Variants in FHIT observed in about 807,000 individuals in gnomAD.
FHIT encodes bis(5'-adenosyl)-triphosphatase.
A neutral mutation model predicts 17.9 loss-of-function variants in FHIT; 19 were observed. The observed-to-expected ratio is 1.06, with a 90% CI of 0.74 to 1.56. FHIT has a LOEUF of 1.56. FHIT is among the 40% of genes most tolerant of loss of function. The probability of loss-of-function intolerance (pLI) is 0.00; values close to 1 mark genes in which losing one functional copy is unlikely to be tolerated. For synonymous variants in FHIT, 81 were observed against 69.7 expected, an observed-to-expected ratio of 1.16 and a Z score of -0.81; for missense variants, 248 against 189.2, an observed-to-expected ratio of 1.31 and a Z score of -1.82.
chr3:59,815,754 G>A (rs9882591), intron 8 of FHIT, among the ~76,000 whole-genome samples: 9 of 151,954 alleles, frequency 5.9e-5, no homozygotes, highest in African/African-American at 2.2e-4. Context: ...TGGGAGGGGG[G>A]TGAGGGATGA....
intron 5 of FHIT, among the ~76,000 whole-genome samples, chr3:60,327,165 A>G (rs1186182873): frequency 6.6e-6 from 1 of 152,208 alleles, no homozygotes; most frequent in East Asian, 1.9e-4. Context: ...TCTATGTTTC[A>G]TATTCCATCT....
chr3:60,166,366 A>G (rs1701176179), intron 5 of FHIT, among the ~76,000 whole-genome samples: 1 of 152,206 alleles, frequency 6.6e-6, no homozygotes, highest in Non-Finnish European at 1.5e-5. Flanking sequence ...AAACACTACA[A>G]GAACTGAATG....
chr3:60,215,989 G>A (rs1010909325), intron 5 of FHIT, among the ~76,000 whole-genome samples: 4 of 152,162 alleles, frequency 2.6e-5, no homozygotes, highest in South Asian at 4.1e-4. Context: ...TTTGGCACAT[G>A]TAATTACAGT....
chr3:60,535,300 A>G (rs1220342817), intron 5 of FHIT, among the ~76,000 whole-genome samples: 1 of 152,192 alleles, frequency 6.6e-6, no homozygotes, highest in South Asian at 2.1e-4. Context: ...GAATTTAGAC[A>G]AATGGATCTT....
At chr3:60,420,352 CTT>C (rs1190925041) in intron 5 of FHIT, among the ~76,000 whole-genome samples, 1 of 152,014 alleles carries the variant, frequency 6.6e-6, no homozygotes, top group Non-Finnish European at 1.5e-5. Context: ...GATCAAAATT[CTT>C]TGTTTTCATT....
chr3:60,195,438 T>C (rs943488808), intron 5 of FHIT, among the ~76,000 whole-genome samples: 1 of 150,758 alleles, frequency 6.6e-6, no homozygotes. Context: ...AGTCATGAGA[T>C]CAAAAAAGAC....
At chr3:60,244,847 A>T (rs1483725398) in intron 5 of FHIT, among the ~76,000 whole-genome samples, 1 of 152,136 alleles carries the variant, frequency 6.6e-6, no homozygotes, top group Non-Finnish European at 1.5e-5. Flanking sequence ...ATTATTTAAA[A>T]ATATGCTAAG....
chr3:60,407,971 G>A (rs528184580), intron 5 of FHIT, among the ~76,000 whole-genome samples: 278 of 152,268 alleles, frequency 1.8e-3, no homozygotes, highest in Non-Finnish European at 3.2e-3. Context: ...AACAGAGAAA[G>A]TCATATTTCA....
intron 5 of FHIT, among the ~76,000 whole-genome samples, chr3:60,132,154 G>C (rs968435002): frequency 3.3e-5 from 5 of 152,104 alleles, no homozygotes; most frequent in Non-Finnish European, 7.4e-5. Context: ...TATTTAGTCT[G>C]ACCCAAGCCC....
At chr3:60,042,746 ACAATTCAACC>A (rs1216148106) in intron 5 of FHIT, among the ~76,000 whole-genome samples, 2 of 152,150 alleles carry the variant, frequency 1.3e-5, no homozygotes, top group Non-Finnish European at 2.9e-5. Flanking sequence ...TGCAAGGGAT[ACAATTCAACC>A]CATAACAGAG....
chr3:59,859,763 A>T (rs1196421565), intron 8 of FHIT, among the ~76,000 whole-genome samples: 1 of 152,170 alleles, frequency 6.6e-6, no homozygotes, highest in African/African-American at 2.4e-5. Flanking sequence ...AGATTGGAGG[A>T]AACTGATGAA....
intron 3 of FHIT, among the ~76,000 whole-genome samples, chr3:60,881,645 T>C (rs1477250973): frequency 2.0e-5 from 3 of 151,982 alleles, no homozygotes; most frequent in Non-Finnish European, 2.9e-5. Context: ...GGAAGCTCTA[T>C]GAATACAACA....
chr3:61,100,978 G>C, intron 2 of FHIT, among the ~76,000 whole-genome samples: 1 of 152,150 alleles, frequency 6.6e-6, no homozygotes, highest in East Asian at 1.9e-4. Flanking sequence ...CAGATGAATA[G>C]ATTGCAAAAA....
At chr3:60,709,295 T>G (rs1314400790) in intron 4 of FHIT, among the ~76,000 whole-genome samples, 1 of 152,236 alleles carries the variant, frequency 6.6e-6, no homozygotes, top group East Asian at 1.9e-4. Context: ...TTTAGCCTAA[T>G]AGAAGACAGG....
intron 3 of FHIT, among the ~76,000 whole-genome samples, chr3:61,003,661 C>T (rs1161022409): frequency 6.6e-6 from 1 of 152,132 alleles, no homozygotes; most frequent in Non-Finnish European, 1.5e-5. Context: ...ATATCAATAT[C>T]CAGTACTTGA....
intron 5 of FHIT, among the ~76,000 whole-genome samples, chr3:60,283,322 T>C (rs922435465): frequency 6.6e-6 from 1 of 152,146 alleles, no homozygotes; most frequent in Non-Finnish European, 1.5e-5. Context: ...CAATGTTTTA[T>C]ATATGCTATT....
chr3:59,928,973 C>T (rs1405215494), intron 7 of FHIT, among the ~76,000 whole-genome samples: 17 of 115,240 alleles, frequency 1.5e-4, no homozygotes, highest in South Asian at 8.7e-4. Context: ...CCAGCCTGGG[C>T]GACAGAGTGA....
chr3:60,672,134 T>C (rs928411904), intron 4 of FHIT, among the ~76,000 whole-genome samples: 1 of 152,210 alleles, frequency 6.6e-6, no homozygotes, highest in African/African-American at 2.4e-5. Flanking sequence ...TTTAACTCTT[T>C]GTGTTTTTGT....
intron 5 of FHIT, among the ~76,000 whole-genome samples, chr3:60,131,022 TATA>T (rs1699559616): frequency 4.1e-5 from 3 of 73,970 alleles, no homozygotes; most frequent in African/African-American, 2.8e-4. Flanking sequence ...TATATACACA[TATA>T]TACATATGTG....
Sources: gnomAD v4.1 joint callset for allele counts (sites outside exome capture counted in the v4.1 genomes callset) on GRCh38, gnomAD v4.1.1 for gene constraint, MANE v1.5 for transcripts, NCBI Gene and HGNC (gene_info 2026-07-23, HGNC 2026-07-21) for gene names.